LYN: variants seen among roughly 807,000 people sequenced by gnomAD.
LYN encodes tyrosine-protein kinase Lyn.
Under a neutral mutation model 65.0 loss-of-function variants are expected in LYN, and 12 were observed. The ratio of observed to expected loss-of-function variants is 0.18; its 90% confidence interval spans 0.12 to 0.30. LYN has a LOEUF of 0.30. LYN is among the 10% of genes least tolerant of loss of function. The pLI, the probability that LYN is intolerant of heterozygous loss-of-function variation, is 1.00. For synonymous variants in LYN, 222 were observed against 221.2 expected, an observed-to-expected ratio of 1.00 and a Z score of -0.03; for missense variants, 380 against 623.2, an observed-to-expected ratio of 0.61 and a Z score of 4.16.
intron 1 of LYN, among the ~76,000 whole-genome samples, chr8:55,939,532 T>G (rs1297361717): frequency 1.4e-5 from 2 of 146,080 alleles, no homozygotes; most frequent in Non-Finnish European, 3.0e-5. Flanking sequence ...AGGAACGCAG[T>G]GGGGGGGGGA....
intron 6 of LYN, among the ~76,000 whole-genome samples, chr8:55,951,208 A>C (rs1806936679): frequency 6.6e-6 from 1 of 152,028 alleles, no homozygotes; most frequent in African/African-American, 2.4e-5. Context: ...ACGCCACTGC[A>C]CTCTAACTAG....
chr8:55,927,767 C>A (rs1020663950), intron 1 of LYN, among the ~76,000 whole-genome samples: 1 of 151,814 alleles, frequency 6.6e-6, no homozygotes, highest in Non-Finnish European at 1.5e-5. Context: ...ACCTGGGAGG[C>A]AGAGGTTACA....
chr8:55,984,045 C>T (rs1040921517), intron 10 of LYN, among the ~76,000 whole-genome samples: 1 of 152,142 alleles, frequency 6.6e-6, no homozygotes, highest in Non-Finnish European at 1.5e-5. Context: ...TTGTTGACCG[C>T]ACTGCTCCTC....
intron 1 of LYN, among the ~76,000 whole-genome samples, chr8:55,922,884 C>T (rs954677348): frequency 3.3e-5 from 5 of 152,072 alleles, no homozygotes; most frequent in South Asian, 4.1e-4. Context: ...GATGGTTAGA[C>T]GTAGCAGGGC....
At chr8:55,920,793 C>T (rs543779790) in intron 1 of LYN, among the ~76,000 whole-genome samples, 7 of 150,446 alleles carry the variant, frequency 4.7e-5, no homozygotes, top group East Asian at 2.0e-4. Flanking sequence ...ACCACCCCCC[C>T]ACCGGGTTCC....
At position 55,992,011 on chromosome 8, in the gene LYN, G is replaced by A. The variant is rs565549798; in HGVS notation, c.1051-6335G>A. 2.0e-5 allele frequency among the ~76,000 whole-genome samples: 3 copies of A among 152,170 alleles called. No homozygotes were observed. In the East Asian group the frequency reaches 5.8e-4, roughly 29 times the overall value. ...GTGATTAGTCTCATTTTTGGTAATA[G>A]GGATGCTTTTTATTTCAGATTTCCA... On this transcript the variant is annotated intron_variant, in intron 10 of 12. Coordinates refer to ENST00000519728, the MANE Select transcript of LYN (RefSeq NM_002350.4).
intron 1 of LYN, 29 bp from the exon 2 acceptor site, chr8:55,941,826 A>G (rs564034682): frequency 6.2e-6 from 10 of 1,601,398 alleles, no homozygotes; most frequent in Middle Eastern, 1.6e-4. Context: ...GAATGGTAAA[A>G]CAATGTCATT....
At chr8:55,897,545 T>G (rs1324308510) in intron 1 of LYN, among the ~76,000 whole-genome samples, 1 of 152,176 alleles carries the variant, frequency 6.6e-6, no homozygotes, top group Non-Finnish European at 1.5e-5. Context: ...GAAAACCTAC[T>G]ACTACTACTT....
At chr8:55,904,613 G>A (rs932660010) in intron 1 of LYN, among the ~76,000 whole-genome samples, 13 of 152,192 alleles carry the variant, frequency 8.5e-5, no homozygotes, top group South Asian at 6.2e-4. Flanking sequence ...GGCCAGGTGC[G>A]GTGGCTCATG....
intron 1 of LYN, among the ~76,000 whole-genome samples, chr8:55,903,234 T>C (rs943487832): frequency 1.3e-5 from 2 of 151,916 alleles, no homozygotes; most frequent in South Asian, 4.2e-4. Flanking sequence ...CTCAAGTGAT[T>C]CGCCCACCTC....
chr8:55,888,242 C>T (rs1003476742), intron 1 of LYN, among the ~76,000 whole-genome samples: 3 of 152,118 alleles, frequency 2.0e-5, no homozygotes, highest in African/African-American at 7.2e-5. Context: ...GGGCCACACA[C>T]CCTGGAAGAA....
At chr8:55,990,301 C>T (rs1049377275) in intron 10 of LYN, among the ~76,000 whole-genome samples, 10 of 148,888 alleles carry the variant, frequency 6.7e-5, no homozygotes, top group African/African-American at 2.5e-4. Context: ...TTAAGCTTTG[C>T]CTGAAGAGTT....
chr8:55,996,077 G>A (rs1406825263), intron 10 of LYN, among the ~76,000 whole-genome samples: 2 of 152,192 alleles, frequency 1.3e-5, no homozygotes, highest in East Asian at 3.8e-4. Context: ...ATACAAGTGA[G>A]AATAGAAAAG....
Position 56,014,107 on chromosome 8 carries a change from C to A in LYN, c.*3997C>A, listed in dbSNP as rs183896808. Reference sequence around the variant, plus strand: ...GAGAGATCGGGAGCATTTAAAGCCACAGAAGGAATAGATTGGCTTCGCTTC... The same window carrying A: ...GAGAGATCGGGAGCATTTAAAGCCAAAGAAGGAATAGATTGGCTTCGCTTC... On this transcript the variant is annotated 3_prime_UTR_variant, in exon 13 of 13. Coordinates refer to ENST00000519728, the MANE Select transcript of LYN (RefSeq NM_002350.4). 29 of 152,296 alleles carry A rather than the reference C, an allele frequency of 1.9e-4. No homozygotes were observed. Among genetic ancestry groups the A allele is most frequent in the African/African-American group, 6.5e-4 (27 of 41,556 alleles). The allele number at this position is 152,296 out of a possible 1,614,324, so 9.4% of individuals were successfully genotyped here.
At chr8:55,976,326 C>CA (rs35717306) in intron 10 of LYN, among the ~76,000 whole-genome samples, 2,036 of 85,290 alleles carry the variant, frequency 0.024, 31 homozygotes, top group African/African-American at 0.048. Context: ...GACTCCATCT[C>CA]AAAAAAAAAA....
rs563342538 is a variant in LYN at position 56,004,227 on chromosome 8, C to T, written c.1336+4678C>T. ...GATTACAGGTGTGAGTCACCGCACCCGGCCTAAATATTTTATTCTTATCTA... is the reference window on the plus strand; with the variant it reads ...GATTACAGGTGTGAGTCACCGCACCTGGCCTAAATATTTTATTCTTATCTA... On this transcript the variant is annotated intron_variant, in intron 12 of 12. Transcript: ENST00000519728. Among the ~76,000 whole-genome samples, 18 of 151,060 alleles carry T rather than the reference C, an allele frequency of 1.2e-4. No individual in the cohort carries two copies. In the South Asian group the frequency reaches 1.9e-3, roughly 16 times the overall value.
At position 55,886,734 on chromosome 8, in the gene LYN, AGTTT is replaced by A. The variant is rs369478080; in HGVS notation, c.-6+6639_-6+6642del. Among the ~76,000 whole-genome samples the A allele has an allele frequency of 5.1e-3, 779 of 152,314 alleles. 6 individuals are homozygous for A. The highest frequency in any genetic ancestry group is 0.018 in the African/African-American group (728 of 41,560). The stretch of plus-strand genomic sequence containing the variant: ...AGGTAGGATTGGCCAGCTCCATCAG[AGTTT>A]GTTTGTTCTGATGCATAATAGATAT... On this transcript the variant is annotated intron_variant, in intron 1 of 12. Coordinates refer to ENST00000519728, the MANE Select transcript of LYN (RefSeq NM_002350.4).
At chr8:55,959,069 C>T (rs1807202114) in intron 8 of LYN, among the ~76,000 whole-genome samples, 1 of 152,180 alleles carries the variant, frequency 6.6e-6, no homozygotes, top group Non-Finnish European at 1.5e-5. Flanking sequence ...TTTTACATTC[C>T]CATTGACCGT....
intron 10 of LYN, among the ~76,000 whole-genome samples, chr8:55,997,092 C>T (rs544426086): frequency 7.7e-4 from 115 of 148,928 alleles, no homozygotes; most frequent in Middle Eastern, 3.5e-3. Flanking sequence ...ACCTAGGAGG[C>T]GGGAGGTTGC....
Sources: gnomAD v4.1 joint callset for allele counts (sites outside exome capture counted in the v4.1 genomes callset) on GRCh38, gnomAD v4.1.1 for gene constraint, MANE v1.5 for transcripts, NCBI Gene and HGNC (gene_info 2026-07-23, HGNC 2026-07-21) for gene names.